Variants in NEDD8 observed in about 807,000 individuals in gnomAD.
NEDD8 encodes the protein ubiquitin-like protein NEDD8.
NEDD8 carries 1 observed loss-of-function variant against 13.8 expected under a neutral mutation model. The observed-to-expected ratio is 0.07, with a 90% confidence interval of 0.03 to 0.34. The LOEUF is 0.34. Among genes scored for constraint, NEDD8 ranks in the 10% least tolerant of loss-of-function variants. The pLI is 0.99. For synonymous variants in NEDD8, 31 were observed against 33.2 expected, an observed-to-expected ratio of 0.93 and a Z score of 0.23; for missense variants, 10 against 95.2, an observed-to-expected ratio of 0.10 and a Z score of 3.73.
chr14:24,223,085 C>CAAAAAAAAAAAAAAAAAAA (rs71426836), intron 1 of NEDD8, among the ~76,000 whole-genome samples: 1 of 75,602 alleles, frequency 1.3e-5, no homozygotes, highest in Non-Finnish European at 2.5e-5. Flanking sequence ...GACTGCATTT[C>CAAAAAAAAAAAAAAAAAAA]AAAAAAAAAA....
chr14:24,217,029 C>G lies in NEDD8; in HGVS notation c.*98G>C. ...CCAGTAGACATACATTACTGGGCAT[C>G]CAGGGGAGGGGGCAGTGGCTATGGT... On this transcript the variant is annotated 3_prime_UTR_variant, in exon 4 of 4. Coordinates refer to ENST00000250495, the MANE Select transcript of NEDD8 (RefSeq NM_006156.3). 1 of 939,356 alleles carries G rather than the reference C, an allele frequency of 1.1e-6. No individual in the cohort carries two copies. The highest frequency in any genetic ancestry group is 1.5e-5 in the South Asian group (1 of 65,118). 58.2% of individuals were successfully genotyped at this position (939,356 alleles called of 1,614,324 possible).
chr14:24,219,311 A>G (rs1234714256), intron 1 of NEDD8, among the ~76,000 whole-genome samples: 2 of 150,878 alleles, frequency 1.3e-5, no homozygotes, highest in Non-Finnish European at 2.9e-5. Context: ...AAACAACAAC[A>G]ACAACAACAA....
chr14:24,225,172 AAAAAAAAAAAAAAAG>A (rs2039871070), intron 1 of NEDD8, among the ~76,000 whole-genome samples: 1 of 6,644 alleles, frequency 1.5e-4, no homozygotes, highest in African/African-American at 3.6e-4. Context: ...ACTCTGTCTC[AAAAAAAAAAAAAAAG>A]AAAAAAAGAA....
chr14:24,229,380 C>T (rs1339109289), intron 1 of NEDD8, among the ~76,000 whole-genome samples: 5 of 152,226 alleles, frequency 3.3e-5, no homozygotes, highest in East Asian at 1.9e-4. Context: ...CCACCACACT[C>T]GGCTAATTTT....
intron 1 of NEDD8, 106 bp from the exon 2 acceptor site, chr14:24,218,537 T>C: frequency 6.7e-7 from 1 of 1,489,158 alleles, no homozygotes; most frequent in Non-Finnish European, 9.3e-7. Context: ...TTCTAAAAGA[T>C]GCATATTCTC....
chr14:24,217,292 G>A, intron 3 of NEDD8, 69 bp from the exon 4 acceptor site: 1 of 1,309,636 alleles, frequency 7.6e-7, no homozygotes, highest in Non-Finnish European at 1.1e-6. Flanking sequence ...TGTTGTTGTT[G>A]TTGTTGTTGT....
At chr14:24,223,754 G>A (rs1273218747) in intron 1 of NEDD8, among the ~76,000 whole-genome samples, 1 of 132,460 alleles carries the variant, frequency 7.5e-6, no homozygotes, top group African/African-American at 2.9e-5. Context: ...TTTTTTTTTT[G>A]AGGCAAGGTC....
chr14:24,227,391 C>T (rs1235011566), intron 1 of NEDD8: 1 of 152,078 alleles, frequency 6.6e-6, no homozygotes, highest in Non-Finnish European at 1.5e-5. Flanking sequence ...TGGTTTTGTA[C>T]GTCATGTCTT....
chr14:24,226,050 A>G (rs987452935), intron 1 of NEDD8, among the ~76,000 whole-genome samples: 4 of 151,404 alleles, frequency 2.6e-5, no homozygotes, highest in African/African-American at 9.7e-5. Flanking sequence ...AAAAAAAAAA[A>G]AAAGATGAAC....
chr14:24,218,897 C>T (rs1024187565), intron 1 of NEDD8, among the ~76,000 whole-genome samples: 5 of 152,154 alleles, frequency 3.3e-5, no homozygotes, highest in African/African-American at 1.2e-4. Flanking sequence ...CAGGCATGCG[C>T]TACCAGGCCT....
intron 1 of NEDD8, among the ~76,000 whole-genome samples, chr14:24,225,997 C>T (rs544244814): frequency 6.6e-6 from 1 of 151,794 alleles, no homozygotes; most frequent in East Asian, 1.9e-4. Flanking sequence ...AGGGATCACG[C>T]CACTGCACTC....
rs757400523 is a variant in NEDD8 at position 24,232,309 on chromosome 14, C to T, written c.-42G>A. 1.7e-5 allele frequency: 28 copies of T among 1,612,874 alleles called. No homozygotes were observed. Among genetic ancestry groups the T allele is most frequent in the Non-Finnish European group, 2.2e-5 (26 of 1,179,682 alleles). Reference sequence around the variant, plus strand: ...GGCTGCACACGGATAAATTGCTGCTCCTACCGCTCCGGTCGCCGCTGCCGC... The same window carrying T: ...GGCTGCACACGGATAAATTGCTGCTTCTACCGCTCCGGTCGCCGCTGCCGC... On this transcript the variant is annotated 5_prime_UTR_variant, in exon 1 of 4. Coordinates refer to ENST00000250495, the MANE Select transcript of NEDD8 (RefSeq NM_006156.3).
At position 24,218,414 on chromosome 14, in the gene NEDD8, C is replaced by T; in HGVS notation, c.36G>A (p.Glu12=). The change falls in exon 2 of 4, where the codon GAG becomes GAA. Residue 12 remains glutamate, a synonymous_variant. Coordinates refer to ENST00000250495, the MANE Select transcript of NEDD8 (RefSeq NM_006156.3). ...LIKVKTLTGK[E]IEIDIEPTDK... ...CTGTAGGTTCAATGTCAATCTCAAT[C>T]TCCTTTCCGGTCAGCGTCTGAAACA... is the stretch of plus-strand genomic sequence containing the variant. 1 of 1,614,208 alleles carries T rather than the reference C, an allele frequency of 6.2e-7. No individual in the cohort carries two copies. Among genetic ancestry groups the T allele is most frequent in the Non-Finnish European group, 8.5e-7 (1 of 1,180,042 alleles).
chr14:24,219,181 G>T (rs1234411371), intron 1 of NEDD8, among the ~76,000 whole-genome samples: 1 of 151,950 alleles, frequency 6.6e-6, no homozygotes, highest in Non-Finnish European at 1.5e-5. Flanking sequence ...GCTAGAATTG[G>T]CTGGGCATGG....
chr14:24,228,929 C>T (rs972523656), intron 1 of NEDD8, among the ~76,000 whole-genome samples: 4 of 151,076 alleles, frequency 2.6e-5, no homozygotes. Context: ...AGAGATGGGG[C>T]ACAGAGGCCT....
chr14:24,223,522 A>G (rs2039841407), intron 1 of NEDD8, among the ~76,000 whole-genome samples: 1 of 152,162 alleles, frequency 6.6e-6, no homozygotes, highest in African/African-American at 2.4e-5. Flanking sequence ...CTTGTTCTAA[A>G]CATACTTAAA....
In NEDD8 at chr14:24,217,252, GA is replaced by G. The variant is rs763545447; in HGVS notation, c.150-30del. 1.9e-6 allele frequency: 3 copies of G among 1,557,666 alleles called. No homozygotes were observed. The South Asian group carries it at 3.5e-5, about 18-fold the overall frequency. ...CAGGAAAAGGAAGCCAGAAAAAAAA[GA>G]AAAAGAAGACTTAGGAGTTTTTTGT... On this transcript the variant is annotated intron_variant, in intron 3 of 3. Transcript: ENST00000250495.
chr14:24,217,006 A>G lies in NEDD8; in HGVS notation c.*121T>C. On this transcript the variant is annotated 3_prime_UTR_variant, in exon 4 of 4. Coordinates refer to ENST00000250495, the MANE Select transcript of NEDD8 (RefSeq NM_006156.3). ...CCTGGGATCCTCACAGTCTCCCACC[A>G]GTAGACATACATTACTGGGCATCCA... The G allele has an allele frequency of 1.3e-6, 1 of 775,444 alleles. No individual in the cohort carries two copies. Among genetic ancestry groups the G allele is most frequent in the Non-Finnish European group, 2.1e-6 (1 of 476,512 alleles). 48.0% of individuals were successfully genotyped at this position (775,444 alleles called of 1,614,324 possible). A position where few individuals can be genotyped will look rare whatever the true frequency, so the allele number is the denominator to read the frequency against.
At chr14:24,226,547 T>C (rs937329193) in intron 1 of NEDD8, 3 of 152,090 alleles carry the variant, frequency 2.0e-5, no homozygotes, top group Non-Finnish European at 4.4e-5. Flanking sequence ...GACTAAGTGC[T>C]ATGGTGAATG....
Sources: gnomAD v4.1 joint callset for allele counts (sites outside exome capture counted in the v4.1 genomes callset) on GRCh38, gnomAD v4.1.1 for gene constraint, MANE v1.5 for transcripts, NCBI Gene and HGNC (gene_info 2026-07-23, HGNC 2026-07-21) for gene names.